TRRAP: variants seen among roughly 807,000 people sequenced by gnomAD.
TRRAP encodes the protein transformation/transcription domain associated protein.
In TRRAP, 41 loss-of-function variants were observed where a neutral mutation model predicts 438.8. The ratio of observed to expected loss-of-function variants is 0.09; its 90% CI spans 0.07 to 0.12. The LOEUF is 0.12. Ranked by LOEUF, TRRAP falls within the 10% of genes least tolerant of loss-of-function variation. The pLI is 1.00. For missense variants in TRRAP, 3,122 were observed against 5,055.1 expected, an observed-to-expected ratio of 0.62 and a Z score of 11.60; for synonymous variants, 1,994 against 1,962.9, an observed-to-expected ratio of 1.02 and a Z score of -0.42.
intron 33 of TRRAP, among the ~76,000 whole-genome samples, chr7:98,947,448 G>GT (rs563855610): frequency 0.01 from 1,539 of 148,748 alleles, 15 homozygotes; most frequent in Non-Finnish European, 0.011. Flanking sequence ...TGTTTGTGTG[G>GT]TTTTTTTTTT....
intron 40 of TRRAP, among the ~76,000 whole-genome samples, chr7:98,954,402 G>A (rs1791494691): frequency 6.6e-6 from 1 of 152,230 alleles, no homozygotes; most frequent in African/African-American, 2.4e-5. Flanking sequence ...GCTTTCCCCT[G>A]ACATCTTTCT....
intron 67 of TRRAP, among the ~76,000 whole-genome samples, chr7:99,001,508 A>C (rs542275057): frequency 7.6e-4 from 115 of 152,114 alleles, no homozygotes; most frequent in Non-Finnish European, 1.3e-3. Context: ...AGAATCAGAA[A>C]TGGGATAGAT....
At position 98,965,862 on chromosome 7, in the gene TRRAP, G is replaced by T; in HGVS notation, c.7143G>T (p.Trp2381Cys). 1 of 1,614,126 alleles carries T rather than the reference G, an allele frequency of 6.2e-7. No individual in the cohort carries two copies. Among genetic ancestry groups the T allele is most frequent in the South Asian group, 1.1e-5 (1 of 91,076 alleles). ...LRAVVKIVEEWVKNNSPMAAN... is the reference protein window; with the variant it reads ...LRAVVKIVEECVKNNSPMAAN... ...CTGTGGTCAAAATCGTGGAAGAATG[G>T]GTCAAGAATAACTCCCCAATGGCAG... The change falls in exon 49 of 73, where the codon TGG becomes TGT. Residue 2381 changes from tryptophan (W) to cysteine (C), a missense_variant. Physicochemically the swap from Trp to Cys is radical, Grantham distance 215. Transcript: ENST00000456197.
chr7:98,918,227 CTTTTTTTT>C (rs71118647), intron 20 of TRRAP, among the ~76,000 whole-genome samples: 1 of 83,206 alleles, frequency 1.2e-5, no homozygotes, highest in African/African-American at 3.9e-5. Context: ...GGGTTATATT[CTTTTTTTT>C]TTTTTTTTTT....
chr7:98,925,068 G>C (rs1456959324), intron 21 of TRRAP, 44 bp from the exon 22 acceptor site: 3 of 1,568,898 alleles, frequency 1.9e-6, no homozygotes, highest in South Asian at 1.2e-5. Context: ...TCACAATCAT[G>C]TAATTTCAGC....
At chr7:98,983,559 T>G in intron 60 of TRRAP, 100 bp downstream of exon 60, 2 of 1,395,578 alleles carry the variant, frequency 1.4e-6, no homozygotes, top group Non-Finnish European at 2.0e-6. Flanking sequence ...GGTTTGGTTT[T>G]TTTTTCCCCC....
intron 23 of TRRAP, among the ~76,000 whole-genome samples, chr7:98,929,739 G>A (rs980316838): frequency 1.3e-5 from 2 of 151,940 alleles, no homozygotes; most frequent in East Asian, 1.9e-4. Flanking sequence ...GATTACAGGC[G>A]CCTGCCACCA....
At chr7:99,000,741 G>A (rs1057134008) in intron 67 of TRRAP, among the ~76,000 whole-genome samples, 2 of 152,228 alleles carry the variant, frequency 1.3e-5, no homozygotes, top group African/African-American at 2.4e-5. Flanking sequence ...TGTCCTGAAG[G>A]AGCAGGGCCC....
intron 16 of TRRAP, among the ~76,000 whole-genome samples, 154 bp from the exon 17 acceptor site, chr7:98,910,923 G>A (rs1194067159): frequency 6.6e-6 from 1 of 151,836 alleles, no homozygotes; most frequent in Non-Finnish European, 1.5e-5. Context: ...AAATTAAGGT[G>A]AGAAAGGAGA....
At chr7:98,993,139 CAG>C (rs1793503166) in intron 65 of TRRAP, among the ~76,000 whole-genome samples, 1 of 152,180 alleles carries the variant, frequency 6.6e-6, no homozygotes. Flanking sequence ...GAACGTGTAA[CAG>C]ATTGTGAGAT....
chr7:98,893,731 T>C (rs1796075079), intron 5 of TRRAP, 67 bp from the exon 6 acceptor site: 1 of 1,406,006 alleles, frequency 7.1e-7, no homozygotes, highest in Non-Finnish European at 1.0e-6. Flanking sequence ...GTGCAGAAAC[T>C]GCTGAGAAAA....
chr7:98,997,276 A>G (rs1793710834), intron 67 of TRRAP, among the ~76,000 whole-genome samples: 1 of 152,048 alleles, frequency 6.6e-6, no homozygotes, highest in Non-Finnish European at 1.5e-5. Flanking sequence ...ACTGCACTCC[A>G]GCCTGGGCAA....
intron 31 of TRRAP, among the ~76,000 whole-genome samples, chr7:98,943,738 T>C (rs547900235): frequency 6.6e-6 from 1 of 152,364 alleles, no homozygotes; most frequent in East Asian, 1.9e-4. Context: ...TTTTTGTTTT[T>C]AACTTGCTGT....
chr7:98,881,301 G>A (rs370786557), intron 2 of TRRAP, 51 bp downstream of exon 2: 543 of 1,520,550 alleles, frequency 3.6e-4, no homozygotes, highest in Non-Finnish European at 4.5e-4. Context: ...GGCCGGATGC[G>A]GTGGCTCACG....
At chr7:98,964,290 C>A (rs1792055193) in intron 47 of TRRAP, among the ~76,000 whole-genome samples, 1 of 152,090 alleles carries the variant, frequency 6.6e-6, no homozygotes, top group Admixed American at 6.5e-5. Flanking sequence ...TTTTCTTCCT[C>A]TTTTTCTTAT....
chr7:98,976,978 C>A lies in TRRAP; in HGVS notation c.8287C>A (p.Gln2763Lys), dbSNP rs780250812. The A allele has an allele frequency of 3.7e-6, 6 of 1,614,034 alleles. No individual in the cohort carries two copies. The highest frequency in any genetic ancestry group is 5.1e-6 in the Non-Finnish European group (6 of 1,180,044). Residue 2763 changes from glutamine (Q) to lysine (K), a missense_variant, in exon 56 of 73, where the codon CAA (glutamine) becomes AAA (lysine). By Grantham distance (53) the Gln-to-Lys change is moderately conservative (BLOSUM62 1). This residue lies in a region of TRRAP where 992 missense variants were observed against 1,281.2 expected (regional missense o/e 0.77). Coordinates refer to ENST00000456197, the MANE Select transcript of TRRAP (RefSeq NM_001375524.1). The surrounding 1 kb of genome is among the most constrained non-coding windows in gnomAD (Gnocchi z 4.6). ...CCTTGCGGAGCTTTACTCCCTGTTACAAGAGGAAGATATGTGGGCTGGTCT... is the reference window on the plus strand; with the variant it reads ...CCTTGCGGAGCTTTACTCCCTGTTAAAAGAGGAAGATATGTGGGCTGGTCT... ...DSLAELYSLLQEEDMWAGLWQ... is the reference protein window; with the variant it reads ...DSLAELYSLLKEEDMWAGLWQ...
intron 47 of TRRAP, 135 bp downstream of exon 47, chr7:98,962,562 G>A: frequency 1.3e-6 from 2 of 1,518,902 alleles, no homozygotes; most frequent in African/African-American, 2.7e-5. Context: ...TCAGGTGTCT[G>A]TTGCCTGGGG....
intron 30 of TRRAP, among the ~76,000 whole-genome samples, chr7:98,942,062 T>C (rs1278166944): frequency 6.6e-6 from 1 of 152,216 alleles, no homozygotes; most frequent in African/African-American, 2.4e-5. Context: ...TGAATGCTCT[T>C]CTTGTGGTTT....
chr7:98,959,292 CTG>C, intron 44 of TRRAP, 50 bp from the exon 45 acceptor site: 3 of 1,599,322 alleles, frequency 1.9e-6, no homozygotes, highest in East Asian at 4.5e-5. Context: ...ACTGGAATGA[CTG>C]TAAACTCGGA....
Sources: gnomAD v4.1 joint callset for allele counts (sites outside exome capture counted in the v4.1 genomes callset) on GRCh38, gnomAD v4.1.1 for gene constraint, gnomAD v4.1.1 regional missense constraint, Gnocchi (gnomAD v3.1) non-coding constraint, MANE v1.5 for transcripts, NCBI Gene and HGNC (gene_info 2026-07-23, HGNC 2026-07-21) for gene names.